CDH19: variants seen among roughly 807,000 people sequenced by gnomAD.
CDH19 encodes cadherin-19.
A neutral mutation model predicts 64.2 loss-of-function variants in CDH19; 67 were observed. The ratio of observed to expected loss-of-function variants is 1.04; its 90% CI spans 0.86 to 1.28. The LOEUF is 1.28. Among genes scored for constraint, CDH19 ranks in the 50% most tolerant of loss-of-function variants. The probability of loss-of-function intolerance (pLI) is 0.00; values close to 1 mark genes in which losing one functional copy is unlikely to be tolerated. For synonymous variants in CDH19, 346 were observed against 319.3 expected (o/e 1.08, Z -0.89); for missense variants, 1,030 against 929.0 (o/e 1.11, Z -1.41).
At chr18:66,580,872 T>C (rs964457511) in intron 1 of CDH19, among the ~76,000 whole-genome samples, 1 of 152,128 alleles carries the variant, frequency 6.6e-6, no homozygotes, top group African/African-American at 2.4e-5. Flanking sequence ...ATAATGGTCA[T>C]ACATTTCAGC....
chr18:66,518,788 G>A (rs1220350296), intron 9 of CDH19, among the ~76,000 whole-genome samples: 1 of 152,096 alleles, frequency 6.6e-6, no homozygotes, highest in African/African-American at 2.4e-5. Flanking sequence ...CATAGTCTCA[G>A]TATTATTAAG....
chr18:66,536,843 A>G (rs964565620), intron 7 of CDH19, among the ~76,000 whole-genome samples: 3 of 151,760 alleles, frequency 2.0e-5, no homozygotes, highest in African/African-American at 7.2e-5. Context: ...TGTAAAATAC[A>G]TATATATATT....
Position 66,568,399 on chromosome 18 carries a change from A to G in CDH19, c.490+17T>C, listed in dbSNP as rs773741735. 1 of 1,577,848 alleles carries G rather than the reference A, an allele frequency of 6.3e-7. No homozygotes were observed. The highest frequency in any genetic ancestry group is 1.1e-5 in the South Asian group (1 of 88,096). On this transcript the variant is annotated intron_variant, in intron 3 of 11. Coordinates refer to ENST00000262150, the MANE Select transcript of CDH19 (RefSeq NM_021153.4). ...TTCATTGTTAATATATCTTTGATGT[A>G]AATTAATATGCAATACCTTCTGGAG...
In CDH19 at chr18:66,558,685, C is replaced by T. The variant is rs377146086; in HGVS notation, c.491-4161G>A. On this transcript the variant is annotated intron_variant, in intron 3 of 11. Transcript: ENST00000262150. ...ACCTGTAGTTAGGAATTAGTTTTAT[C>T]GTCCACATAAAATTGAAAATATTAC... 3.9e-5 allele frequency among the ~76,000 whole-genome samples: 6 copies of T among 151,932 alleles called. No homozygotes were observed. In the East Asian group the frequency reaches 5.8e-4, roughly 15 times the overall value.
At chr18:66,534,009 A>G (rs1370808338) in intron 8 of CDH19, among the ~76,000 whole-genome samples, 1 of 151,964 alleles carries the variant, frequency 6.6e-6, no homozygotes, top group South Asian at 2.1e-4. Flanking sequence ...ATGATGTAGA[A>G]TTTTTTAAAA....
At chr18:66,599,419 G>A (rs940668856) in intron 1 of CDH19, among the ~76,000 whole-genome samples, 2 of 152,020 alleles carry the variant, frequency 1.3e-5, no homozygotes. Context: ...GGGCAGATGA[G>A]GAAATGAAGG....
chr18:66,602,020 C>A (rs1489779669), intron 1 of CDH19, among the ~76,000 whole-genome samples: 1 of 151,768 alleles, frequency 6.6e-6, no homozygotes, highest in African/African-American at 2.4e-5. Context: ...TCTGTTTCAC[C>A]AAAGCAAAGA....
In CDH19 at chr18:66,504,875, C is replaced by T. The variant is rs746768331; in HGVS notation, c.2256G>A (p.Glu752=). 1 of 1,612,614 alleles carries T rather than the reference C, an allele frequency of 6.2e-7. No individual in the cohort carries two copies. The highest frequency in any genetic ancestry group is 1.1e-5 in the South Asian group (1 of 91,050). ...DQDESYDYLN[E]LGPRFKRLAC... is the part of the protein sequence containing the mutation. ...CTAATCTTTTAAAGCGAGGTCCCAA[C>T]TCATTAAGGTAATCATAGCTTTCAT... is the stretch of plus-strand genomic sequence containing the variant. The change falls in exon 12 of 12, where the codon GAG becomes GAA. Residue 752 remains glutamate, a synonymous_variant. Transcript: ENST00000262150.
At chr18:66,550,544 G>C (rs1987301723) in intron 5 of CDH19, among the ~76,000 whole-genome samples, 1 of 152,024 alleles carries the variant, frequency 6.6e-6, no homozygotes, top group Non-Finnish European at 1.5e-5. Context: ...TTATCCAACT[G>C]GGTTCGGTCT....
chr18:66,545,748 C>T (rs750619756), intron 5 of CDH19, among the ~76,000 whole-genome samples: 5 of 151,930 alleles, frequency 3.3e-5, no homozygotes, highest in Admixed American at 1.3e-4. Context: ...GTTCCAAGAA[C>T]GATAGTTTGA....
At chr18:66,582,695 G>C (rs1436768747) in intron 1 of CDH19, among the ~76,000 whole-genome samples, 4 of 137,630 alleles carry the variant, frequency 2.9e-5, no homozygotes, top group Non-Finnish European at 6.1e-5. Flanking sequence ...GTGTGAGTCA[G>C]AATAGCTATA....
intron 3 of CDH19, among the ~76,000 whole-genome samples, chr18:66,557,716 A>G (rs1482904041): frequency 6.6e-6 from 1 of 151,856 alleles, no homozygotes; most frequent in Non-Finnish European, 1.5e-5. Flanking sequence ...CACTCCTTAC[A>G]TTTTTTGTGT....
Position 66,544,867 on chromosome 18 carries a change from G to A in CDH19, c.812C>T (p.Thr271Ile). ...CATGATTGTTCCTATAGAAGTCCCA[G>A]TGGGTGCAGATTCAGAGACAGTCAA... ...YRLTVSESAP[T>I]GTSIGTIMAY... Residue 271 changes from threonine to isoleucine, a missense_variant, in exon 6 of 12, where the codon ACT becomes ATT. Coordinates refer to ENST00000262150, the MANE Select transcript of CDH19 (RefSeq NM_021153.4). 2 of 1,611,582 alleles carry A rather than the reference G, an allele frequency of 1.2e-6. No homozygotes were observed. The highest frequency in any genetic ancestry group is 1.3e-5 in the African/African-American group (1 of 74,980).
Position 66,544,912 on chromosome 18 carries a change from AC to A in CDH19, c.776-10del. The A allele has an allele frequency of 6.4e-7, 1 of 1,554,332 alleles. No homozygotes were observed. The highest frequency in any genetic ancestry group is 8.7e-7 in the Non-Finnish European group (1 of 1,153,242). ...AGTCAAGCGGTATAAACCTTTAAAA[AC>A]AAAATTGGAGGTATTTTGGATAAAT... On this transcript the variant is annotated splice_polypyrimidine_tract_variant and intron_variant, in intron 5 of 11. Coordinates refer to ENST00000262150, the MANE Select transcript of CDH19 (RefSeq NM_021153.4).
intron 1 of CDH19, among the ~76,000 whole-genome samples, chr18:66,603,468 TTATAA>T (rs1328928681): frequency 4.6e-5 from 7 of 150,890 alleles, no homozygotes; most frequent in Admixed American, 1.3e-4. Context: ...TTTTTTGGAA[TTATAA>T]TATACTTAAA....
intron 11 of CDH19, among the ~76,000 whole-genome samples, chr18:66,508,696 T>G (rs1322612407): frequency 6.6e-6 from 1 of 151,914 alleles, no homozygotes; most frequent in African/African-American, 2.4e-5. Context: ...AATTTTTACA[T>G]GTTTTATACT....
At chr18:66,593,704 A>G (rs1388504166) in intron 1 of CDH19, among the ~76,000 whole-genome samples, 3 of 152,136 alleles carry the variant, frequency 2.0e-5, no homozygotes, top group African/African-American at 7.2e-5. Flanking sequence ...GTACACCATA[A>G]GTTTCCAATT....
rs1438848005 is a variant in CDH19 at position 66,528,967 on chromosome 18, A to G, written c.1458+878T>C. On this transcript the variant is annotated intron_variant, in intron 9 of 11. Coordinates refer to ENST00000262150, the MANE Select transcript of CDH19 (RefSeq NM_021153.4). ...TAGTGGACATTTTTTAAAGAAAAAC[A>G]GCTTATGGTATTTAATAGTCTTCTG... is the stretch of plus-strand genomic sequence containing the variant. Among the ~76,000 whole-genome samples the G allele has an allele frequency of 2.0e-5, 3 of 151,970 alleles. No homozygotes were observed. In the East Asian group the frequency reaches 5.8e-4, roughly 29 times the overall value.
At chr18:66,532,942 T>C (rs1423691071) in intron 8 of CDH19, among the ~76,000 whole-genome samples, 1 of 151,810 alleles carries the variant, frequency 6.6e-6, no homozygotes, top group African/African-American at 2.4e-5. Flanking sequence ...CTTGAGAACA[T>C]GTATATATTG....
Sources: gnomAD v4.1 joint callset for allele counts (sites outside exome capture counted in the v4.1 genomes callset) on GRCh38, gnomAD v4.1.1 for gene constraint, MANE v1.5 for transcripts, NCBI Gene and HGNC (gene_info 2026-07-23, HGNC 2026-07-21) for gene names.